Variants in KSR2 observed in about 807,000 individuals in gnomAD.
The protein encoded by KSR2 is kinase suppressor of ras 2.
Under a neutral mutation model 107.8 loss-of-function variants are expected in KSR2, and 25 were observed. The observed-to-expected ratio is 0.23, with a 90% confidence interval of 0.17 to 0.32. The LOEUF is 0.32. Ranked by LOEUF, KSR2 falls within the 10% of genes least tolerant of loss-of-function variation. The pLI is 1.00. For synonymous variants in KSR2, 480 were observed against 507.0 expected (o/e 0.95, Z 0.71); for missense variants, 887 against 1,268.9 (o/e 0.70, Z 4.57).
intron 3 of KSR2, among the ~76,000 whole-genome samples, chr12:117,834,687 C>T (rs887614025): frequency 2.0e-5 from 3 of 152,090 alleles, no homozygotes; most frequent in Non-Finnish European, 4.4e-5. Context: ...CTGTGCTTCC[C>T]CAGCCTGAGA....
At chr12:117,512,713 A>T (rs1874107079) in intron 14 of KSR2, among the ~76,000 whole-genome samples, 1 of 108,120 alleles carries the variant, frequency 9.2e-6, no homozygotes, top group African/African-American at 4.1e-5. Context: ...ATGTCTACTT[A>T]ACATCACCTC....
At chr12:117,574,193 G>GA (rs796544576) in intron 7 of KSR2, among the ~76,000 whole-genome samples, 3 of 140,244 alleles carry the variant, frequency 2.1e-5, no homozygotes, top group Non-Finnish European at 4.7e-5. Flanking sequence ...CCAGAAAACT[G>GA]TTTTTTTTTT....
chr12:117,606,597 T>TCCC (rs1565923124), intron 5 of KSR2, among the ~76,000 whole-genome samples: 2 of 37,260 alleles, frequency 5.4e-5, no homozygotes, highest in Non-Finnish European at 1.0e-4. Flanking sequence ...TCCTTCCTTC[T>TCCC]TTCCTCCTTC....
At chr12:117,575,354 A>G (rs1403537781) in intron 7 of KSR2, among the ~76,000 whole-genome samples, 4 of 152,170 alleles carry the variant, frequency 2.6e-5, no homozygotes, top group Non-Finnish European at 5.9e-5. Context: ...CCTCTCTGAA[A>G]TGTCACCTGT....
chr12:117,523,737 C>A (rs1354320475), intron 14 of KSR2, among the ~76,000 whole-genome samples: 1 of 152,200 alleles, frequency 6.6e-6, no homozygotes, highest in Admixed American at 6.5e-5. Flanking sequence ...CTTTGGGAGG[C>A]CAAGGCGGGC....
At chr12:117,555,328 G>A in intron 8 of KSR2, 35 bp from the exon 9 acceptor site, 1 of 1,611,566 alleles carries the variant, frequency 6.2e-7, no homozygotes. Context: ...GGGAGTTTAA[G>A]TATCACTTTG....
chr12:117,492,763 A>C (rs750945044), intron 14 of KSR2, among the ~76,000 whole-genome samples: 13 of 152,132 alleles, frequency 8.5e-5, no homozygotes, highest in Non-Finnish European at 1.3e-4. Flanking sequence ...GGGAGACAAA[A>C]GAGAGAGGCA....
intron 17 of KSR2, among the ~76,000 whole-genome samples, chr12:117,471,563 C>T (rs113614015): frequency 1.3e-5 from 2 of 152,128 alleles, no homozygotes; most frequent in African/African-American, 4.8e-5. Context: ...GTTAGGATCT[C>T]TGTCCCTGAT....
chr12:117,614,674 TGC>T (rs1198022820), intron 5 of KSR2, among the ~76,000 whole-genome samples: 1 of 152,220 alleles, frequency 6.6e-6, no homozygotes, highest in Non-Finnish European at 1.5e-5. Flanking sequence ...CATACTTTTG[TGC>T]ATTCAGCTGT....
At chr12:117,703,440 C>T (rs1886404149) in intron 4 of KSR2, among the ~76,000 whole-genome samples, 1 of 152,104 alleles carries the variant, frequency 6.6e-6, no homozygotes, top group African/African-American at 2.4e-5. Flanking sequence ...CAGTTGCCTC[C>T]CCCTGGCCCT....
intron 14 of KSR2, among the ~76,000 whole-genome samples, chr12:117,513,983 C>T (rs148992207): frequency 2.0e-4 from 31 of 152,308 alleles, no homozygotes; most frequent in Non-Finnish European, 4.1e-4. Context: ...TTAATTACAA[C>T]GTTGTCTCCC....
chr12:117,542,187 C>T (rs1345573400), intron 9 of KSR2, among the ~76,000 whole-genome samples: 1 of 152,068 alleles, frequency 6.6e-6, no homozygotes, highest in African/African-American at 2.4e-5. Context: ...TCAATGCGGT[C>T]GGCCTCCTTA....
intron 14 of KSR2, among the ~76,000 whole-genome samples, chr12:117,506,932 G>A (rs1004022456): frequency 1.4e-4 from 21 of 152,170 alleles, no homozygotes; most frequent in African/African-American, 4.8e-4. Context: ...GGATCTTTTG[G>A]GGTTGAGGGT....
At chr12:117,562,119 G>T (rs1330093303) in intron 7 of KSR2, among the ~76,000 whole-genome samples, 1 of 152,194 alleles carries the variant, frequency 6.6e-6, no homozygotes, top group African/African-American at 2.4e-5. Context: ...TCAAGGGTAG[G>T]GGAAGCCGAG....
intron 5 of KSR2, among the ~76,000 whole-genome samples, chr12:117,608,797 G>C (rs1881429819): frequency 6.6e-6 from 1 of 152,022 alleles, no homozygotes; most frequent in African/African-American, 2.4e-5. Context: ...GGCCCACACT[G>C]AACAGCATGA....
chr12:117,665,903 G>C (rs1884639027), intron 5 of KSR2, among the ~76,000 whole-genome samples: 3 of 152,208 alleles, frequency 2.0e-5, no homozygotes, highest in South Asian at 2.1e-4. Context: ...TCACCTGGCT[G>C]TTGCTACACA....
chr12:117,665,361 C>CT (rs11303930), intron 5 of KSR2, among the ~76,000 whole-genome samples: 36 of 151,612 alleles, frequency 2.4e-4, no homozygotes, highest in East Asian at 1.4e-3. Context: ...GTTTTGTTGT[C>CT]TTTTTTTTTA....
intron 4 of KSR2, among the ~76,000 whole-genome samples, chr12:117,727,405 A>G (rs1887474083): frequency 6.6e-6 from 1 of 151,894 alleles, no homozygotes; most frequent in Non-Finnish European, 1.5e-5. Flanking sequence ...CAGAAAAAGA[A>G]GAAAGAAGAA....
At chr12:117,876,281 A>T (rs1325375633) in intron 1 of KSR2, among the ~76,000 whole-genome samples, 1 of 152,212 alleles carries the variant, frequency 6.6e-6, no homozygotes, top group Admixed American at 6.5e-5. Context: ...GCCAATTTGC[A>T]TCCACAAGAA....
Sources: allele counts gnomAD v4.1 joint callset (sites outside exome capture counted in the v4.1 genomes callset), GRCh38; gene constraint gnomAD v4.1.1; transcripts MANE v1.5; gene names NCBI Gene and HGNC (gene_info 2026-07-23, HGNC 2026-07-21).